Variants in C8orf89 observed in about 807,000 individuals in gnomAD.
The protein encoded by C8orf89 is chromosome 8 open reading frame 89.
In C8orf89, 14 loss-of-function variants were observed where a neutral mutation model predicts 15.8. The ratio of observed to expected loss-of-function variants is 0.89; its 90% CI spans 0.59 to 1.39. The LOEUF is 1.39. Ranked by LOEUF, C8orf89 falls within the 40% of genes most tolerant of loss-of-function variation. The pLI, the probability that C8orf89 is intolerant of heterozygous loss-of-function variation, is 0.00. For synonymous variants in C8orf89, 55 were observed against 62.2 expected (o/e 0.88, Z 0.54); for missense variants, 181 against 184.5 (o/e 0.98, Z 0.11).
At chr8:73,265,082 GAA>G in the C8orf89 span, among the ~76,000 whole-genome samples, 9,091 of 148,988 alleles carry the variant, frequency 0.061, 302 homozygotes, top group East Asian at 0.16. Context: ...ACTTCTTGAG[GAA>G]AAAAAAAAGA....
At chr8:73,253,019 T>A (rs1813282252) in intron 2 of C8orf89, among the ~76,000 whole-genome samples, 1 of 152,202 alleles carries the variant, frequency 6.6e-6, no homozygotes, top group Admixed American at 6.5e-5. Context: ...GGCGGGCGCC[T>A]GTAGTCCCAG....
chr8:73,252,345 T>G (rs1813268358), intron 2 of C8orf89, among the ~76,000 whole-genome samples: 1 of 152,206 alleles, frequency 6.6e-6, no homozygotes, highest in East Asian at 1.9e-4. Flanking sequence ...GAACATATAG[T>G]GGCATGACAA....
the C8orf89 span, among the ~76,000 whole-genome samples, chr8:73,279,399 T>C: frequency 1.8e-3 from 280 of 152,290 alleles, no homozygotes; most frequent in African/African-American, 6.4e-3. Context: ...TGTAGTAATA[T>C]GAATTCAGAC....
chr8:73,276,337 C>G, the C8orf89 span, among the ~76,000 whole-genome samples: 1 of 152,138 alleles, frequency 6.6e-6, no homozygotes, highest in African/African-American at 2.4e-5. Context: ...CCACCACGCC[C>G]TGCTAATTTT....
At chr8:73,248,554 G>A (rs1813179338) in intron 3 of C8orf89, among the ~76,000 whole-genome samples, 1 of 152,054 alleles carries the variant, frequency 6.6e-6, no homozygotes, top group South Asian at 2.1e-4. Flanking sequence ...TAACTATATT[G>A]AGTCTTCCTA....
the C8orf89 span, among the ~76,000 whole-genome samples, chr8:73,269,741 T>TCCCC: frequency 6.6e-6 from 1 of 152,124 alleles, no homozygotes; most frequent in Non-Finnish European, 1.5e-5. Context: ...CCTTAGGGGC[T>TCCCC]CCCATGACAT....
At chr8:73,252,977 T>TA (rs967464027) in intron 2 of C8orf89, among the ~76,000 whole-genome samples, 3 of 151,946 alleles carry the variant, frequency 2.0e-5, no homozygotes, top group African/African-American at 7.3e-5. Flanking sequence ...CCGTCTCTAC[T>TA]AAAAAAATAC....
At chr8:73,276,878 C>G in the C8orf89 span, among the ~76,000 whole-genome samples, 1 of 132,990 alleles carries the variant, frequency 7.5e-6, no homozygotes, top group African/African-American at 2.8e-5. Flanking sequence ...GTGATCTCGG[C>G]TCACTGCAAC....
At chr8:73,277,953 C>A in the C8orf89 span, 1 of 655,788 alleles carries the variant, frequency 1.5e-6, no homozygotes, top group Non-Finnish European at 2.9e-6. Context: ...TCTGTGTTGG[C>A]CAGCAACAAT....
the C8orf89 span, among the ~76,000 whole-genome samples, chr8:73,267,182 G>A: frequency 7.2e-5 from 11 of 152,122 alleles, no homozygotes; most frequent in Non-Finnish European, 1.3e-4. Flanking sequence ...CCCTATATAT[G>A]CTATGTTTTT....
chr8:73,262,985 T>C (rs1456230872), upstream of C8orf89, among the ~76,000 whole-genome samples: 1 of 152,084 alleles, frequency 6.6e-6, no homozygotes, highest in Non-Finnish European at 1.5e-5. Flanking sequence ...AAGGATACTT[T>C]ACAGAACTAA....
the C8orf89 span, among the ~76,000 whole-genome samples, chr8:73,273,427 G>A: frequency 2.0e-5 from 3 of 152,250 alleles, no homozygotes; most frequent in South Asian, 2.1e-4. Flanking sequence ...CTGGCTGGGC[G>A]TGTGCTCGCT....
the C8orf89 span, among the ~76,000 whole-genome samples, chr8:73,268,248 G>A: frequency 3.9e-5 from 6 of 152,138 alleles, no homozygotes; most frequent in Non-Finnish European, 8.8e-5. Context: ...GGGAGGCCGA[G>A]GCAGGCAGAT....
chr8:73,252,584 A>G (rs1007491), intron 2 of C8orf89, among the ~76,000 whole-genome samples: 15,008 of 152,144 alleles, frequency 0.099, 1,702 homozygotes, highest in African/African-American at 0.28. Flanking sequence ...AAAATTATCA[A>G]CTTTTCATTT....
At chr8:73,243,468 G>T (rs1028768943) in intron 3 of C8orf89, among the ~76,000 whole-genome samples, 2 of 151,860 alleles carry the variant, frequency 1.3e-5, no homozygotes, top group African/African-American at 4.8e-5. Flanking sequence ...AAAAAAACAC[G>T]ACTAGTTTTT....
At chr8:73,283,272 A>G in the C8orf89 span, among the ~76,000 whole-genome samples, 1 of 152,238 alleles carries the variant, frequency 6.6e-6, no homozygotes, top group Non-Finnish European at 1.5e-5. Context: ...GGAATTATTA[A>G]TAACATTACT....
In C8orf89 at chr8:73,243,898, A is replaced by G. The variant is rs549242284; in HGVS notation, c.338-2293T>C. On this transcript the variant is annotated intron_variant, in intron 3 of 3. Coordinates refer to ENST00000624510, the MANE Select transcript of C8orf89 (RefSeq NM_001243237.3). ...TATCTAAAAAACCTTTAATGCTTGT[A>G]TTTAATTATATAAAATTACATTGGT... is the stretch of plus-strand genomic sequence containing the variant. 3.9e-5 allele frequency among the ~76,000 whole-genome samples: 6 copies of G among 152,274 alleles called. No individual in the cohort carries two copies. In the East Asian group the frequency reaches 1.2e-3, roughly 29 times the overall value.
chr8:73,242,456 T>A (rs537542561), intron 3 of C8orf89, among the ~76,000 whole-genome samples: 1 of 152,024 alleles, frequency 6.6e-6, no homozygotes, highest in South Asian at 2.1e-4. Context: ...TAAACTCTCA[T>A]GTTAATAAAA....
At position 73,241,580 on chromosome 8, in the gene C8orf89, A is replaced by G. The variant is rs1234050608; in HGVS notation, c.363T>C (p.Thr121=). The change falls in exon 4 of 4, where the codon ACT becomes ACC. Residue 121 remains threonine, a synonymous_variant. Transcript: ENST00000624510. The part of the protein sequence containing the change: ...SKGSGFSDPL[T]GAPSQYLERL... ...TCTCTAAGTATTGAGATGGTGCTCC[A>G]GTGAGAGGATCACTGAAGCCAGAAC... 5.2e-6 allele frequency: 8 copies of G among 1,527,970 alleles called. No homozygotes were observed. The highest frequency in any genetic ancestry group is 7.0e-6 in the Non-Finnish European group (8 of 1,142,258). The allele number at this position is 1,527,970 out of a possible 1,614,324, so 94.7% of individuals were successfully genotyped here. A position where few individuals can be genotyped will look rare whatever the true frequency, so the allele number is the denominator to read the frequency against.
Sources: allele counts gnomAD v4.1 joint callset (sites outside exome capture counted in the v4.1 genomes callset), GRCh38; gene constraint gnomAD v4.1.1; transcripts MANE v1.5; gene names NCBI Gene and HGNC (gene_info 2026-07-23, HGNC 2026-07-21).